PIWIL2: variants seen among roughly 807,000 people sequenced by gnomAD.
The protein encoded by PIWIL2 is piwi-like protein 2.
Under a neutral mutation model 116.5 loss-of-function variants are expected in PIWIL2, and 81 were observed. The observed-to-expected ratio is 0.70, with a 90% CI of 0.58 to 0.84. PIWIL2 has a LOEUF of 0.84. Among genes scored for constraint, PIWIL2 ranks in the 40% least tolerant of loss-of-function variants. The pLI is 0.00. For missense variants in PIWIL2, 1,272 were observed against 1,212.3 expected (o/e 1.05, Z -0.73); for synonymous variants, 489 against 429.5 (o/e 1.14, Z -1.71).
At chr8:22,322,034 T>G in intron 20 of PIWIL2, 1 of 918,600 alleles carries the variant, frequency 1.1e-6, no homozygotes, top group Non-Finnish European at 1.3e-6. Context: ...TTTTTTTTTG[T>G]AAATAAACTT....
rs774230525 is a variant in PIWIL2, at chr8:22,304,011, C to G, written c.1182-10C>G. On this transcript the variant is annotated splice_polypyrimidine_tract_variant and intron_variant, in intron 10 of 22. Transcript: ENST00000356766. ...ACTGTGATCCAAAAGTCTTTTATCTCTTTCCAAAGGCATGCCATTTATCAG... is the reference window on the plus strand; with the variant it reads ...ACTGTGATCCAAAAGTCTTTTATCTGTTTCCAAAGGCATGCCATTTATCAG... 6.3e-7 allele frequency: 1 copy of G among 1,599,382 alleles called. No homozygotes were observed. Among genetic ancestry groups the G allele is most frequent in the Non-Finnish European group, 8.5e-7 (1 of 1,170,424 alleles).
intron 12 of PIWIL2, 99 bp from the exon 13 acceptor site, chr8:22,305,828 A>G (rs1422871065): frequency 5.0e-6 from 4 of 803,426 alleles, no homozygotes; most frequent in Non-Finnish European, 8.7e-6. Context: ...CGCAAGGTAT[A>G]TCACTGCAGG....
Position 22,287,587 on chromosome 8 carries a change from C to T in PIWIL2, c.803C>T (p.Thr268Ile). Residue 268 changes from threonine to isoleucine, a missense_variant, in exon 7 of 23, where the codon ACC becomes ATC. Transcript: ENST00000356766. ...ATGTTGAAGGACCATCAAGCTGTCA[C>T]CGGCAACGTCACTGCGTTTGATGGA... ...FGMLKDHQAV[T>I]GNVTAFDGSI... The T allele has an allele frequency of 1.2e-6, 2 of 1,613,918 alleles. No homozygotes were observed. Among genetic ancestry groups the T allele is most frequent in the Middle Eastern group, 1.6e-4 (1 of 6,062 alleles).
chr8:22,327,206 G>GT (rs1384313572), intron 20 of PIWIL2, among the ~76,000 whole-genome samples: 2 of 150,224 alleles, frequency 1.3e-5, no homozygotes, highest in African/African-American at 4.9e-5. Flanking sequence ...TTTTTGTTTT[G>GT]TTTTGTTTTT....
intron 20 of PIWIL2, among the ~76,000 whole-genome samples, chr8:22,339,139 G>A (rs143861976): frequency 2.0e-5 from 3 of 152,290 alleles, no homozygotes; most frequent in Non-Finnish European, 2.9e-5. Context: ...ACACAAGAAT[G>A]ACATTGAAGC....
At chr8:22,300,867 G>A (rs1018628954) in intron 10 of PIWIL2, among the ~76,000 whole-genome samples, 1 of 152,116 alleles carries the variant, frequency 6.6e-6, no homozygotes, top group South Asian at 2.1e-4. Flanking sequence ...ACTGAGTTGT[G>A]CAGTAATTCA....
At chr8:22,334,320 G>A (rs757093841) in intron 20 of PIWIL2, among the ~76,000 whole-genome samples, 21 of 151,470 alleles carry the variant, frequency 1.4e-4, no homozygotes, top group Non-Finnish European at 2.8e-4. Context: ...AAAATTTGGG[G>A]CCAGGTGGCT....
rs765790303 is a variant in PIWIL2, at chr8:22,281,201, C to T, written c.280C>T (p.Pro94Ser). 17 of 1,608,014 alleles carry T rather than the reference C, an allele frequency of 1.1e-5. No homozygotes were observed. The East Asian group carries it at 2.9e-4, about 27-fold the overall frequency. Residue 94 changes from proline (P) to serine (S), a missense_variant, in exon 3 of 23, where the codon CCA (proline) becomes TCA (serine). Pro to Ser is a moderately conservative substitution (Grantham distance 74). Transcript: ENST00000356766. ...SKTPLKREML[P>S]SGRGILGRGL... is the part of the protein sequence containing the mutation. The stretch of plus-strand genomic sequence containing the variant: ...GACCCCTCTGAAACGGGAAATGCTT[C>T]CATCAGGTATGTGGAAAACTAACTT...
intron 19 of PIWIL2, among the ~76,000 whole-genome samples, chr8:22,316,731 C>G (rs1037061494): frequency 4.6e-5 from 7 of 152,128 alleles, no homozygotes; most frequent in African/African-American, 1.4e-4. Context: ...ATCCGCCCAC[C>G]TCAGCCTCCC....
intron 20 of PIWIL2, among the ~76,000 whole-genome samples, chr8:22,340,586 T>C (rs1372853803): frequency 2.0e-5 from 3 of 152,078 alleles, no homozygotes; most frequent in Admixed American, 6.5e-5. Flanking sequence ...CCATTGAAGA[T>C]GCAGACACAG....
Position 22,353,189 on chromosome 8 carries a change from T to C in PIWIL2, c.2634T>C (p.Asp878=), listed in dbSNP as rs775043963. 1.2e-6 allele frequency: 2 copies of C among 1,613,466 alleles called. No homozygotes were observed. The highest frequency in any genetic ancestry group is 1.1e-5 in the South Asian group (1 of 91,004). The part of the protein sequence containing the change: ...FVTPTPGTVV[D]HTITSCEWVD... ...CTCCCACTCCTGGAACTGTGGTAGA[T>C]CATACAATAACAAGCTGTGAGTGGT... is the stretch of plus-strand genomic sequence containing the variant. Residue 878 remains aspartate (D), a synonymous_variant, in exon 21 of 23, where the codon GAT becomes GAC. Coordinates refer to ENST00000356766, the MANE Select transcript of PIWIL2 (RefSeq NM_018068.5).
chr8:22,328,185 T>C (rs1053220075), intron 20 of PIWIL2, among the ~76,000 whole-genome samples: 2 of 152,202 alleles, frequency 1.3e-5, no homozygotes, highest in Non-Finnish European at 2.9e-5. Flanking sequence ...GCACCATTCG[T>C]TGAGAGAATT....
intron 20 of PIWIL2, among the ~76,000 whole-genome samples, chr8:22,348,615 A>T (rs1220815311): frequency 6.6e-6 from 1 of 152,150 alleles, no homozygotes. Context: ...TACTATAAAT[A>T]AAAAAATTAG....
intron 20 of PIWIL2, among the ~76,000 whole-genome samples, chr8:22,331,961 C>T (rs553719795): frequency 6.6e-6 from 1 of 152,166 alleles, no homozygotes; most frequent in African/African-American, 2.4e-5. Flanking sequence ...AATTCATCCC[C>T]TAACAATGGA....
At position 22,355,464 on chromosome 8, in the gene PIWIL2, G is replaced by C. The variant is rs1291999800; in HGVS notation, c.2881G>C (p.Glu961Gln). The change falls in exon 23 of 23, where the codon GAA (glutamate) becomes CAA (glutamine). Residue 961 changes from glutamate (E) to glutamine (Q), a missense_variant. Glu to Gln is a conservative substitution (Grantham distance 29). Transcript: ENST00000356766. ...AFLSGHILHH[E>Q]PAIQLCENLF... ...CCTGTCAGGACACATCTTGCATCAT[G>C]AACCAGCCATCCAGCTGTGCGAGAA... is the stretch of plus-strand genomic sequence containing the variant. The C allele has an allele frequency of 6.2e-7, 1 of 1,614,034 alleles. No individual in the cohort carries two copies. Among genetic ancestry groups the C allele is most frequent in the Non-Finnish European group, 8.5e-7 (1 of 1,180,022 alleles).
chr8:22,348,362 G>A (rs1209021775), intron 20 of PIWIL2, among the ~76,000 whole-genome samples: 1 of 152,162 alleles, frequency 6.6e-6, no homozygotes, highest in Non-Finnish European at 1.5e-5. Flanking sequence ...TGGATGTGAA[G>A]TATTTGTTCC....
intron 20 of PIWIL2, among the ~76,000 whole-genome samples, chr8:22,334,706 A>G (rs1328261452): frequency 6.6e-6 from 1 of 151,998 alleles, no homozygotes; most frequent in Non-Finnish European, 1.5e-5. Flanking sequence ...TCAGCCTCCC[A>G]AAGCACTGGG....
chr8:22,283,279 C>G lies in PIWIL2; in HGVS notation c.632+39C>G, dbSNP rs377731017. 5.6e-5 allele frequency: 84 copies of G among 1,493,938 alleles called. 1 individual carries two copies. The South Asian group carries it at 9.0e-4, about 16-fold the overall frequency. The allele number at this position is 1,493,938 out of a possible 1,614,324, so 92.5% of individuals were successfully genotyped here. A position where few individuals can be genotyped will look rare whatever the true frequency, so the allele number is the denominator to read the frequency against. ...ACTGCCTTCTCTACTTAGTAATGAT[C>G]GTGAAAACTCTGCATTTTGGCTCGT... On this transcript the variant is annotated intron_variant, in intron 5 of 22. Transcript: ENST00000356766.
In PIWIL2 at chr8:22,349,747, T is replaced by C. The variant is rs559501642; in HGVS notation, c.2404-3212T>C. ...AGCAGAATAGAAATTGGCAGGATCG[T>C]ACAGAGGCTCAGAGGATTGGTGAGA... is the stretch of plus-strand genomic sequence containing the variant. On this transcript the variant is annotated intron_variant, in intron 20 of 22. Transcript: ENST00000356766. Among the ~76,000 whole-genome samples, 6 of 152,280 alleles carry C rather than the reference T, an allele frequency of 3.9e-5. No individual in the cohort carries two copies. The East Asian group carries it at 1.2e-3, about 29-fold the overall frequency.
Sources: allele counts gnomAD v4.1 joint callset (sites outside exome capture counted in the v4.1 genomes callset), GRCh38; gene constraint gnomAD v4.1.1; transcripts MANE v1.5; gene names NCBI Gene and HGNC (gene_info 2026-07-23, HGNC 2026-07-21).